Variants in GRIA1 observed in about 807,000 individuals in gnomAD.
GRIA1 encodes the protein glutamate ionotropic receptor AMPA type subunit 1, also known as glutamate receptor 1.
GRIA1 carries 31 observed loss-of-function variants against 99.2 expected under a neutral mutation model. The ratio of observed to expected loss-of-function variants is 0.31; its 90% CI spans 0.23 to 0.42. The LOEUF (loss-of-function observed/expected upper bound fraction) is 0.42, where lower values mean the gene tolerates loss of function less well. Among genes scored for constraint, GRIA1 ranks in the 10% least tolerant of loss-of-function variants. The pLI is 1.00. For synonymous variants in GRIA1, 438 were observed against 432.4 expected (o/e 1.01, Z -0.16); for missense variants, 782 against 1,157.5 (o/e 0.68, Z 4.71).
chr5:153,530,452 C>T (rs1757988234), intron 2 of GRIA1, among the ~76,000 whole-genome samples: 1 of 152,212 alleles, frequency 6.6e-6, no homozygotes, highest in Admixed American at 6.5e-5. Context: ...TCTTGCCCTG[C>T]ATGGGTTCAT....
intron 3 of GRIA1, among the ~76,000 whole-genome samples, chr5:153,649,169 A>T (rs1382011308): frequency 6.6e-6 from 1 of 152,118 alleles, no homozygotes; most frequent in African/African-American, 2.4e-5. Context: ...TCTTCCCTAG[A>T]ACCTTTAGAC....
At chr5:153,772,712 A>G (rs560461103) in intron 13 of GRIA1, among the ~76,000 whole-genome samples, 1 of 152,278 alleles carries the variant, frequency 6.6e-6, no homozygotes, top group Admixed American at 6.5e-5. Context: ...TTCAAAGGGG[A>G]TTCAGATGAT....
intron 2 of GRIA1, among the ~76,000 whole-genome samples, chr5:153,528,359 C>T (rs1181503485): frequency 6.6e-6 from 1 of 152,120 alleles, no homozygotes; most frequent in African/African-American, 2.4e-5. Flanking sequence ...TATAGCCAAA[C>T]CCATTTCTTC....
At chr5:153,596,940 G>A (rs984990757) in intron 2 of GRIA1, among the ~76,000 whole-genome samples, 2 of 152,196 alleles carry the variant, frequency 1.3e-5, no homozygotes, top group African/African-American at 2.4e-5. Flanking sequence ...TGATGGGTCA[G>A]GCAAGAGGTG....
intron 11 of GRIA1, among the ~76,000 whole-genome samples, chr5:153,710,434 G>A (rs995417277): frequency 1.3e-5 from 2 of 152,200 alleles, no homozygotes; most frequent in Middle Eastern, 3.4e-3. Flanking sequence ...TGCTGCCCAA[G>A]CTGGTCTTGA....
At chr5:153,616,706 A>G (rs1045270062) in intron 2 of GRIA1, among the ~76,000 whole-genome samples, 2 of 152,230 alleles carry the variant, frequency 1.3e-5, no homozygotes, top group African/African-American at 4.8e-5. Flanking sequence ...TTGTCATCAG[A>G]TGGTTCAACT....
At chr5:153,625,918 T>C (rs947697834) in intron 2 of GRIA1, among the ~76,000 whole-genome samples, 1 of 152,190 alleles carries the variant, frequency 6.6e-6, no homozygotes, top group Non-Finnish European at 1.5e-5. Flanking sequence ...CTTAGGCTCA[T>C]GCCACAAACA....
chr5:153,612,840 T>G (rs2149411524), intron 2 of GRIA1, among the ~76,000 whole-genome samples: 1 of 152,254 alleles, frequency 6.6e-6, no homozygotes, highest in East Asian at 1.9e-4. Context: ...GCGGCAGTAT[T>G]AGCATTATAA....
rs11951398 is a variant in GRIA1 at position 153,812,655 on chromosome 5, C to T, written c.*1430C>T. 10,808 of 152,228 alleles carry T rather than the reference C, an allele frequency of 0.071. 481 individuals are homozygous for T. The highest frequency in any genetic ancestry group is 0.14 in the Middle Eastern group (40 of 294). The allele number at this position is 152,228 out of a possible 1,614,324, so 9.4% of individuals were successfully genotyped here. ...CATGAGGACGTTGTATTCCAATATA[C>T]GTATGATTGGGGCTACAAAGCTGAA... On this transcript the variant is annotated 3_prime_UTR_variant, in exon 16 of 16. Coordinates refer to ENST00000285900, the MANE Select transcript of GRIA1 (RefSeq NM_000827.4).
chr5:153,693,857 A>G (rs914862553), intron 8 of GRIA1, among the ~76,000 whole-genome samples: 1 of 152,262 alleles, frequency 6.6e-6, no homozygotes, highest in African/African-American at 2.4e-5. Flanking sequence ...TCCCAAAGAA[A>G]GGAAAATTTG....
At chr5:153,490,420 C>T (rs1224153997), upstream of GRIA1, 1 of 182,442 alleles carries the variant, frequency 5.5e-6, no homozygotes, top group Non-Finnish European at 1.1e-5. Context: ...CCCACCTCCA[C>T]CTTTCTGCAC....
At chr5:153,601,803 T>G (rs2149398611) in intron 2 of GRIA1, among the ~76,000 whole-genome samples, 1 of 152,336 alleles carries the variant, frequency 6.6e-6, no homozygotes, top group Middle Eastern at 3.4e-3. Context: ...ATGCAGATTG[T>G]TATCAATTAT....
In GRIA1 at chr5:153,811,641, C is replaced by T; in HGVS notation, c.*416C>T. 6.2e-6 allele frequency: 1 copy of T among 162,546 alleles called. No individual in the cohort carries two copies. Among genetic ancestry groups the T allele is most frequent in the South Asian group, 1.7e-4 (1 of 5,952 alleles). 10.1% of individuals were successfully genotyped at this position (162,546 alleles called of 1,614,324 possible). ...CCATGGTTTGCAGGTTCTGTTAGGC[C>T]CTTTCCTTCTCCTTACTTCTTATCC... On this transcript the variant is annotated 3_prime_UTR_variant, in exon 16 of 16. Coordinates refer to ENST00000285900, the MANE Select transcript of GRIA1 (RefSeq NM_000827.4).
At chr5:153,675,783 A>G (rs1756525728) in intron 6 of GRIA1, among the ~76,000 whole-genome samples, 1 of 152,240 alleles carries the variant, frequency 6.6e-6, no homozygotes, top group Non-Finnish European at 1.5e-5. Context: ...ATAGGAATTA[A>G]TTAAGTAATG....
At chr5:153,558,960 G>A (rs1760886635) in intron 2 of GRIA1, among the ~76,000 whole-genome samples, 1 of 152,122 alleles carries the variant, frequency 6.6e-6, no homozygotes, top group South Asian at 2.1e-4. Flanking sequence ...GCATCAAACT[G>A]AGAGGCAGCC....
intron 2 of GRIA1, among the ~76,000 whole-genome samples, chr5:153,581,501 C>T (rs1172537675): frequency 6.6e-6 from 1 of 152,090 alleles, no homozygotes; most frequent in Non-Finnish European, 1.5e-5. Flanking sequence ...ATTAAAATAC[C>T]TAACTAAAGC....
chr5:153,536,405 G>T (rs561670981), intron 2 of GRIA1, among the ~76,000 whole-genome samples: 2 of 151,878 alleles, frequency 1.3e-5, no homozygotes, highest in East Asian at 1.9e-4. Context: ...TCATTCTGCC[G>T]TACATTAGCA....
intron 2 of GRIA1, among the ~76,000 whole-genome samples, chr5:153,520,335 C>A (rs1474735405): frequency 6.6e-6 from 1 of 152,140 alleles, no homozygotes; most frequent in Non-Finnish European, 1.5e-5. Context: ...CAGGGGAATC[C>A]AGAACAATGC....
rs899089931 is a variant in GRIA1 at position 153,813,319 on chromosome 5, A to C, written c.*2094A>C. ...ACCATTAGGGAGTCTGCATCTTGGA[A>C]GAGTTGGAAATAACCCTTTAACATC... On this transcript the variant is annotated 3_prime_UTR_variant, in exon 16 of 16. Transcript: ENST00000285900. The C allele has an allele frequency of 6.6e-6, 1 of 152,218 alleles. No individual in the cohort carries two copies. The highest frequency in any genetic ancestry group is 1.5e-5 in the Non-Finnish European group (1 of 68,048). The allele number at this position is 152,218 out of a possible 1,614,324, so 9.4% of individuals were successfully genotyped here.
Sources: gnomAD v4.1 joint callset for allele counts (sites outside exome capture counted in the v4.1 genomes callset) on GRCh38, gnomAD v4.1.1 for gene constraint, MANE v1.5 for transcripts, NCBI Gene and HGNC (gene_info 2026-07-23, HGNC 2026-07-21) for gene names.